The following NFIA variants were observed in gnomAD, a reference collection of about 807,000 sequenced individuals.
NFIA encodes nuclear factor 1 A-type.
Under a neutral mutation model 62.8 loss-of-function variants are expected in NFIA, and 8 were observed. The ratio of observed to expected loss-of-function variants is 0.13; its 90% CI spans 0.07 to 0.23. The LOEUF (loss-of-function observed/expected upper bound fraction) is 0.23, where lower values mean the gene tolerates loss of function less well. NFIA is among the 10% of genes least tolerant of loss of function. The pLI is 1.00. For missense variants in NFIA, 410 were observed against 642.1 expected (o/e 0.64, Z 3.91); for synonymous variants, 235 against 238.1 (o/e 0.99, Z 0.12).
At chr1:61,449,046 T>C (rs1343318971) in intron 10 of NFIA, among the ~76,000 whole-genome samples, 3 of 152,138 alleles carry the variant, frequency 2.0e-5, no homozygotes, top group Non-Finnish European at 2.9e-5. Flanking sequence ...TCTCCAGGGA[T>C]TGGTGGTTTG....
intron 4 of NFIA, among the ~76,000 whole-genome samples, chr1:61,344,724 A>G (rs941035316): frequency 2.6e-5 from 4 of 152,246 alleles, no homozygotes; most frequent in Middle Eastern, 3.2e-3. Context: ...GATATGTACT[A>G]TTAACCATAG....
intron 6 of NFIA, among the ~76,000 whole-genome samples, chr1:61,380,882 T>C (rs1664381204): frequency 6.6e-6 from 1 of 152,178 alleles, no homozygotes; most frequent in Non-Finnish European, 1.5e-5. Flanking sequence ...ACTTGGTCAT[T>C]CTTGATACTT....
rs35045816 is a variant in NFIA at position 61,126,462 on chromosome 1, A to ACACACACACACACACACACACACACACT, written c.559+37795_559+37796insACACACACACACACTCACACACACACAC. 2.9e-4 allele frequency among the ~76,000 whole-genome samples: 43 copies of ACACACACACACACACACACACACACACT among 145,914 alleles called. No homozygotes were observed. In the East Asian group the frequency reaches 7.3e-3, roughly 25 times the overall value. On this transcript the variant is annotated intron_variant, in intron 2 of 10. Transcript: ENST00000403491. Reference sequence around the variant, plus strand: ...AACACACACACACACACACACACACACACACACACACACTCACAGAAATAT... The same window carrying ACACACACACACACACACACACACACACT: ...AACACACACACACACACACACACACACACACACACACACACACACACACACACTCACACACACACACTCACAGAAATAT...
At chr1:61,330,780 A>C (rs772277949) in intron 3 of NFIA, among the ~76,000 whole-genome samples, 11 of 152,194 alleles carry the variant, frequency 7.2e-5, no homozygotes, top group Non-Finnish European at 1.3e-4. Flanking sequence ...TAAGTCAAGT[A>C]AAGAAGGTAG....
intron 2 of NFIA, chr1:61,132,597 T>C (rs1401689430): frequency 1.3e-5 from 2 of 152,164 alleles, no homozygotes; most frequent in Non-Finnish European, 2.9e-5. Flanking sequence ...CTGGTTGAAT[T>C]CATTGACTAA....
upstream of NFIA, among the ~76,000 whole-genome samples, chr1:61,078,958 G>C (rs990207843): frequency 1.3e-5 from 2 of 152,178 alleles, no homozygotes; most frequent in Non-Finnish European, 2.9e-5. Context: ...CCTCCTCTCT[G>C]AGCAGCGTAG....
intron 6 of NFIA, among the ~76,000 whole-genome samples, chr1:61,382,253 A>G (rs1466363535): frequency 6.6e-6 from 1 of 152,196 alleles, no homozygotes; most frequent in Non-Finnish European, 1.5e-5. Context: ...GTGGTTGCCG[A>G]GAACATTACA....
At chr1:61,129,343 CAG>C (rs1468067917) in intron 2 of NFIA, among the ~76,000 whole-genome samples, 1 of 152,030 alleles carries the variant, frequency 6.6e-6, no homozygotes, top group East Asian at 1.9e-4. Context: ...CATTATTTTA[CAG>C]AGTCATCTCA....
intron 3 of NFIA, among the ~76,000 whole-genome samples, chr1:61,328,044 C>T (rs1661051620): frequency 6.6e-6 from 1 of 151,566 alleles, no homozygotes; most frequent in South Asian, 2.1e-4. Context: ...GTTTGTTGGC[C>T]ATTTGTCTAT....
intron 2 of NFIA, among the ~76,000 whole-genome samples, chr1:61,238,788 C>CTGA (rs1274219828): frequency 6.6e-6 from 1 of 152,106 alleles, no homozygotes; most frequent in African/African-American, 2.4e-5. Context: ...TGGAGTTTTT[C>CTGA]TGATGTAAAC....
At chr1:61,353,280 G>T (rs1020517783) in intron 5 of NFIA, among the ~76,000 whole-genome samples, 1 of 152,144 alleles carries the variant, frequency 6.6e-6, no homozygotes, top group Non-Finnish European at 1.5e-5. Context: ...CCATTGTATT[G>T]AGAGACCTTA....
chr1:61,339,353 A>T (rs755481844), intron 4 of NFIA, among the ~76,000 whole-genome samples: 2 of 152,210 alleles, frequency 1.3e-5, no homozygotes, highest in Non-Finnish European at 2.9e-5. Flanking sequence ...TAGTTTTTAA[A>T]GAAAATCTAA....
At chr1:61,380,121 G>A (rs948928154) in intron 6 of NFIA, among the ~76,000 whole-genome samples, 3 of 152,138 alleles carry the variant, frequency 2.0e-5, no homozygotes, top group Non-Finnish European at 4.4e-5. Flanking sequence ...ACAAGCCACA[G>A]GCCTTCTTGA....
chr1:61,213,571 C>T (rs1653401033), intron 2 of NFIA, among the ~76,000 whole-genome samples: 3 of 152,174 alleles, frequency 2.0e-5, no homozygotes, highest in Admixed American at 6.5e-5. Flanking sequence ...AGAAGAACCT[C>T]AGCTCTGTAG....
At chr1:61,388,829 A>G (rs921460667) in intron 7 of NFIA, among the ~76,000 whole-genome samples, 5 of 152,208 alleles carry the variant, frequency 3.3e-5, no homozygotes, top group African/African-American at 1.2e-4. Context: ...AAAAACAAGT[A>G]TGTGGCTAGG....
chr1:61,167,608 C>T (rs567059630), intron 2 of NFIA, among the ~76,000 whole-genome samples: 54 of 152,244 alleles, frequency 3.5e-4, no homozygotes, highest in African/African-American at 1.2e-3. Context: ...TGAGAATTTA[C>T]ATGGCTTTAA....
intron 2 of NFIA, among the ~76,000 whole-genome samples, chr1:61,127,563 A>G (rs1460778439): frequency 2.6e-5 from 4 of 152,176 alleles, no homozygotes; most frequent in Admixed American, 1.3e-4. Context: ...CCATAAATTC[A>G]TATAGCTCAG....
At chr1:61,284,389 T>A (rs1329091871) in intron 3 of NFIA, among the ~76,000 whole-genome samples, 2 of 152,298 alleles carry the variant, frequency 1.3e-5, no homozygotes, top group Non-Finnish European at 2.9e-5. Flanking sequence ...GTGTGACCCA[T>A]CATTGTTTGC....
At chr1:61,290,262 TTA>T (rs1250093820) in intron 3 of NFIA, among the ~76,000 whole-genome samples, 20 of 152,284 alleles carry the variant, frequency 1.3e-4, no homozygotes, top group African/African-American at 4.6e-4. Context: ...CATAAAACAA[TTA>T]TGATTGCCAA....
Sources: allele counts gnomAD v4.1 joint callset (sites outside exome capture counted in the v4.1 genomes callset), GRCh38; gene constraint gnomAD v4.1.1; transcripts MANE v1.5; gene names NCBI Gene and HGNC (gene_info 2026-07-23, HGNC 2026-07-21).